Variants in GLIPR1 observed in about 807,000 individuals in gnomAD.
The protein encoded by GLIPR1 is glioma pathogenesis-related protein 1.
In GLIPR1, 38 loss-of-function variants were observed where a neutral mutation model predicts 30.3. That is an observed-to-expected ratio of 1.26 (90% CI 0.97 to 1.65). The LOEUF (loss-of-function observed/expected upper bound fraction) is 1.65. Among genes scored for constraint, GLIPR1 ranks in the 40% most tolerant of loss-of-function variants. GLIPR1 has a pLI of 0.00. For missense variants in GLIPR1, 285 were observed against 326.5 expected (o/e 0.87, Z 0.98); for synonymous variants, 122 against 110.6 (o/e 1.10, Z -0.65).
intron 2 of GLIPR1, among the ~76,000 whole-genome samples, chr12:75,486,582 C>T (rs905745593): frequency 3.3e-5 from 5 of 152,096 alleles, no homozygotes; most frequent in African/African-American, 1.2e-4. Context: ...AACCAGAGTG[C>T]CCATGAAGCT....
intron 2 of GLIPR1, among the ~76,000 whole-genome samples, chr12:75,488,466 G>A (rs963686599): frequency 3.3e-5 from 5 of 152,150 alleles, no homozygotes; most frequent in African/African-American, 9.7e-5. Context: ...GAACCTGGGA[G>A]GCGGAGGTTG....
Position 75,499,897 on chromosome 12 carries a change from G to GCTTTCT in GLIPR1, c.*920_*925dup. Reference sequence around the variant, plus strand: ...AAGAGCTCCCAGTTTCTTATTCTTTGCTTTCTTAACCTTTTCCTTGATGCT... The same window carrying GCTTTCT: ...AAGAGCTCCCAGTTTCTTATTCTTTGCTTTCTCTTTCTTAACCTTTTCCTTGATGCT... On this transcript the variant is annotated 3_prime_UTR_variant, in exon 6 of 6. Transcript: ENST00000266659. 1.2e-6 allele frequency: 2 copies of GCTTTCT among 1,607,668 alleles called. No individual in the cohort carries two copies. The highest frequency in any genetic ancestry group is 1.7e-6 in the Non-Finnish European group (2 of 1,177,104).
chr12:75,492,908 T>G (rs777328582), intron 3 of GLIPR1: 3 of 152,198 alleles, frequency 2.0e-5, no homozygotes, highest in Non-Finnish European at 4.4e-5. Context: ...GCAAGGCCCC[T>G]GTTTAGAATA....
intron 2 of GLIPR1, chr12:75,487,938 A>C (rs2046301232): frequency 2.5e-5 from 8 of 323,082 alleles, no homozygotes; most frequent in South Asian, 2.0e-4. Flanking sequence ...ATGATATGTT[A>C]AACAAGGGGC....
intron 2 of GLIPR1, among the ~76,000 whole-genome samples, chr12:75,488,065 C>T (rs548502078): frequency 1.3e-5 from 2 of 152,262 alleles, no homozygotes; most frequent in Non-Finnish European, 2.9e-5. Context: ...TCACACTCAT[C>T]GCCATCTTGG....
chr12:75,500,041 AGGCAGTTAACTT>A lies in GLIPR1; in HGVS notation c.*1064_*1075del. 9.9e-7 allele frequency: 1 copy of A among 1,013,438 alleles called. No individual in the cohort carries two copies. The highest frequency in any genetic ancestry group is 2.8e-5 in the East Asian group (1 of 35,612). The allele number at this position is 1,013,438 out of a possible 1,614,324, so 62.8% of individuals were successfully genotyped here. On this transcript the variant is annotated 3_prime_UTR_variant, in exon 6 of 6. Coordinates refer to ENST00000266659, the MANE Select transcript of GLIPR1 (RefSeq NM_006851.3). ...ATGTTTAACAAAGAATATATGTTTA[AGGCAGTTAACTT>A]CAGAGTATTCTTATAATTGAATAAT...
At chr12:75,492,386 A>G (rs1023987529) in intron 3 of GLIPR1, 1 of 152,178 alleles carries the variant, frequency 6.6e-6, no homozygotes, top group Admixed American at 6.5e-5. Flanking sequence ...CCGGCCTCAT[A>G]TGACATTTTT....
chr12:75,503,730 A>T lies in GLIPR1; in HGVS notation c.*4752A>T. On this transcript the variant is annotated 3_prime_UTR_variant, in exon 6 of 6. Coordinates refer to ENST00000266659, the MANE Select transcript of GLIPR1 (RefSeq NM_006851.3). Reference sequence around the variant, plus strand: ...AACGCCCCACTGCACACCCCCATGCACTCAGCTCAAAATATGCCTATTTAT... The same window carrying T: ...AACGCCCCACTGCACACCCCCATGCTCTCAGCTCAAAATATGCCTATTTAT... 1 of 512,658 alleles carries T rather than the reference A, an allele frequency of 2.0e-6. No homozygotes were observed. The highest frequency in any genetic ancestry group is 3.3e-6 in the Non-Finnish European group (1 of 298,906). 31.8% of individuals were successfully genotyped at this position (512,658 alleles called of 1,614,324 possible). A position where few individuals can be genotyped will look rare whatever the true frequency, so the allele number is the denominator to read the frequency against.
rs2046409492 is a variant in GLIPR1, at chr12:75,503,744, A to G, written c.*4766A>G. 1 of 579,404 alleles carries G rather than the reference A, an allele frequency of 1.7e-6. No individual in the cohort carries two copies. Among genetic ancestry groups the G allele is most frequent in the Non-Finnish European group, 2.9e-6 (1 of 348,982 alleles). The allele number at this position is 579,404 out of a possible 1,614,324, so 35.9% of individuals were successfully genotyped here. A position where few individuals can be genotyped will look rare whatever the true frequency, so the allele number is the denominator to read the frequency against. ...CACCCCCATGCACTCAGCTCAAAAT[A>G]TGCCTATTTATATTTACCCTCAGTT... On this transcript the variant is annotated 3_prime_UTR_variant, in exon 6 of 6. Transcript: ENST00000266659.
chr12:75,490,639 T>C, intron 3 of GLIPR1, 121 bp downstream of exon 3: 1 of 569,598 alleles, frequency 1.8e-6, no homozygotes, highest in Non-Finnish European at 3.1e-6. Flanking sequence ...GGATAAAGTA[T>C]AAATAAAAAA....
At chr12:75,483,322 C>T (rs1012516544) in intron 2 of GLIPR1, 4 of 152,084 alleles carry the variant, frequency 2.6e-5, no homozygotes, top group African/African-American at 9.7e-5. Flanking sequence ...TTTAAATACT[C>T]AGAAATAATT....
Position 75,499,601 on chromosome 12 carries a change from CAA to C in GLIPR1, c.*625_*626del, listed in dbSNP as rs71684960. 77,016 of 313,242 alleles carry C rather than the reference CAA, an allele frequency of 0.25. 10,262 individuals carry two copies. The highest frequency in any genetic ancestry group is 0.34 in the South Asian group (4,073 of 11,954). 19.4% of individuals were successfully genotyped at this position (313,242 alleles called of 1,614,324 possible). The stretch of plus-strand genomic sequence containing the variant: ...ATAATCACAATGGTCGTAATGTATA[CAA>C]AGACTTATATACCACTTTCTCGTAT... On this transcript the variant is annotated 3_prime_UTR_variant, in exon 6 of 6. Transcript: ENST00000266659.
chr12:75,490,230 CACA>C (rs2046314015), intron 2 of GLIPR1, among the ~76,000 whole-genome samples, 173 bp from the exon 3 acceptor site: 5 of 140,682 alleles, frequency 3.6e-5, no homozygotes, highest in Non-Finnish European at 7.9e-5. Context: ...CACACACACA[CACA>C]CCCCAATAAT....
At position 75,498,720 on chromosome 12, in the gene GLIPR1, C is replaced by A; in HGVS notation, c.646C>A (p.Arg216Ser). ...CVNRQRDQVK[R>S]YYSVVYPGWP... The stretch of plus-strand genomic sequence containing the variant: ...TAACCGACAGCGAGACCAAGTCAAA[C>A]GTACGTACATCAATCTTAAATTGTT... The change falls in exon 5 of 6, where the codon CGT (arginine) becomes AGT (serine). Residue 216 changes from arginine (R) to serine (S), a missense_variant and splice_region_variant. Coordinates refer to ENST00000266659, the MANE Select transcript of GLIPR1 (RefSeq NM_006851.3). The A allele has an allele frequency of 6.2e-7, 1 of 1,612,438 alleles. No individual in the cohort carries two copies. The highest frequency in any genetic ancestry group is 8.5e-7 in the Non-Finnish European group (1 of 1,178,774).
intron 2 of GLIPR1, chr12:75,484,803 CT>C: frequency 6.2e-6 from 1 of 162,432 alleles, no homozygotes. Flanking sequence ...ATTTTCACTT[CT>C]TTTGTGATTC....
At chr12:75,485,564 T>TA (rs71078738) in intron 2 of GLIPR1, among the ~76,000 whole-genome samples, 46,391 of 148,106 alleles carry the variant, frequency 0.31, 8,296 homozygotes, top group East Asian at 0.45. Context: ...TTTATTTATT[T>TA]TTTTGAGACG....
rs2046409745 is a variant in GLIPR1 at position 75,503,785 on chromosome 12, C to T, written c.*4807C>T. ...ACCCTCAGTTTCTTATAGCTCTGCA[C>T]ACACACACACAATATATATATATAC... is the stretch of plus-strand genomic sequence containing the variant. On this transcript the variant is annotated 3_prime_UTR_variant, in exon 6 of 6. Transcript: ENST00000266659. 7 of 894,870 alleles carry T rather than the reference C, an allele frequency of 7.8e-6. No homozygotes were observed. The highest frequency in any genetic ancestry group is 3.4e-5 in the African/African-American group (2 of 59,578). 55.4% of individuals were successfully genotyped at this position (894,870 alleles called of 1,614,324 possible).
intron 4 of GLIPR1, chr12:75,496,981 A>ATC (rs1309451183): frequency 6.6e-6 from 1 of 152,238 alleles, no homozygotes; most frequent in African/African-American, 2.4e-5. Context: ...TGCAGATAAT[A>ATC]TCAAGGTATC....
chr12:75,488,938 G>T (rs1306272874), intron 2 of GLIPR1, among the ~76,000 whole-genome samples: 1 of 152,128 alleles, frequency 6.6e-6, no homozygotes, highest in African/African-American at 2.4e-5. Flanking sequence ...ACTCAATTTT[G>T]AATGTATTTG....
Sources: gnomAD v4.1 joint callset for allele counts (sites outside exome capture counted in the v4.1 genomes callset) on GRCh38, gnomAD v4.1.1 for gene constraint, MANE v1.5 for transcripts, NCBI Gene and HGNC (gene_info 2026-07-23, HGNC 2026-07-21) for gene names.